NUP98: variants seen among roughly 807,000 people sequenced by gnomAD.
The protein encoded by NUP98 is nucleoporin 98 and 96 precursor, also known as nuclear pore complex protein Nup98-Nup96.
In NUP98, 26 loss-of-function variants were observed where a neutral mutation model predicts 191.9. The observed-to-expected ratio is 0.14, with a 90% CI of 0.10 to 0.19. NUP98 has a LOEUF of 0.19. Among genes scored for constraint, NUP98 ranks in the 10% least tolerant of loss-of-function variants. The pLI is 1.00. For synonymous variants in NUP98, 808 were observed against 778.4 expected (o/e 1.04, Z -0.63); for missense variants, 1,941 against 2,178.8 (o/e 0.89, Z 2.17).
chr11:3,770,820 T>C (rs2081507384), intron 7 of NUP98, among the ~76,000 whole-genome samples: 1 of 152,192 alleles, frequency 6.6e-6, no homozygotes, highest in African/African-American at 2.4e-5. Context: ...GCAAATTCCA[T>C]CAGTTCTATA....
chr11:3,770,097 C>T (rs181031829), intron 7 of NUP98, among the ~76,000 whole-genome samples: 4 of 150,698 alleles, frequency 2.7e-5, no homozygotes, highest in Admixed American at 1.3e-4. Context: ...ATAATCCCAG[C>T]GCTTTGGGAG....
intron 7 of NUP98, among the ~76,000 whole-genome samples, chr11:3,769,341 G>C (rs1168671879): frequency 6.6e-6 from 1 of 152,052 alleles, no homozygotes; most frequent in Non-Finnish European, 1.5e-5. Flanking sequence ...TGGGTATATG[G>C]CTTGAGCCTG....
chr11:3,786,108 T>C (rs2082131903), intron 1 of NUP98, among the ~76,000 whole-genome samples: 1 of 152,218 alleles, frequency 6.6e-6, no homozygotes, highest in East Asian at 1.9e-4. Context: ...AGGAAGAAAT[T>C]AAGGCACAAG....
intron 24 of NUP98, among the ~76,000 whole-genome samples, chr11:3,700,066 C>T (rs901902212): frequency 2.0e-5 from 3 of 152,034 alleles, no homozygotes; most frequent in African/African-American, 7.2e-5. Context: ...TTTAGAAAAG[C>T]AAGAAGGGGC....
At chr11:3,694,451 C>T (rs2078433882) in intron 26 of NUP98, among the ~76,000 whole-genome samples, 1 of 149,456 alleles carries the variant, frequency 6.7e-6, no homozygotes, top group East Asian at 2.0e-4. Context: ...AAAAAAAAAG[C>T]TGCAGGGGGC....
chr11:3,746,210 G>C (rs1448534452), intron 11 of NUP98, among the ~76,000 whole-genome samples: 1 of 139,862 alleles, frequency 7.1e-6, no homozygotes, highest in East Asian at 2.1e-4. Context: ...TGGAGGTTGC[G>C]GTGAGCCAAG....
At chr11:3,690,400 C>T (rs1239367877) in intron 28 of NUP98, among the ~76,000 whole-genome samples, 5 of 152,068 alleles carry the variant, frequency 3.3e-5, no homozygotes, top group African/African-American at 7.2e-5. Context: ...GCTGGGACTA[C>T]GGGCGCCCGC....
At chr11:3,694,928 C>A (rs1465957713) in intron 26 of NUP98, among the ~76,000 whole-genome samples, 2 of 152,006 alleles carry the variant, frequency 1.3e-5, no homozygotes, top group African/African-American at 4.8e-5. Flanking sequence ...TAAAAAAAAT[C>A]ACAGAACTCC....
chr11:3,792,178 C>CAAAAAAAAAAAAA (rs61471948), intron 1 of NUP98, among the ~76,000 whole-genome samples: 2 of 58,854 alleles, frequency 3.4e-5, no homozygotes, highest in Admixed American at 2.9e-4. Context: ...AACTCCATCT[C>CAAAAAAAAAAAAA]AAAAAAAAAA....
At chr11:3,744,705 CCAGAGGTCAGTTA>C in intron 11 of NUP98, 56 bp from the exon 12 acceptor site, 1 of 1,548,688 alleles carries the variant, frequency 6.5e-7, no homozygotes, top group African/African-American at 1.4e-5. Context: ...CAATGTTGTG[CCAGAGGTCAGTTA>C]CTTAAAAATA....
rs1452615567 is a variant in NUP98, at chr11:3,731,383, A to C, written c.1730+8T>G. On this transcript the variant is annotated splice_region_variant and intron_variant, in intron 14 of 32. Transcript: ENST00000324932. The stretch of plus-strand genomic sequence containing the variant: ...ACACTTAATTTCTGTTAACAAAAAT[A>C]AACTCACTTGGGCATGAATGCTCCA... 1.2e-5 allele frequency: 18 copies of C among 1,509,180 alleles called. No homozygotes were observed. Among genetic ancestry groups the C allele is most frequent in the Non-Finnish European group, 1.5e-5 (17 of 1,125,446 alleles). The allele number at this position is 1,509,180 out of a possible 1,614,324, so 93.5% of individuals were successfully genotyped here.
intron 18 of NUP98, 52 bp from the exon 19 acceptor site, chr11:3,714,047 T>C (rs775530203): frequency 5.2e-5 from 81 of 1,556,202 alleles, no homozygotes; most frequent in Non-Finnish European, 7.0e-5. Flanking sequence ...GCGCTTCATA[T>C]ATAAGACCAG....
chr11:3,790,965 G>A (rs185854588), intron 1 of NUP98, among the ~76,000 whole-genome samples: 3 of 149,678 alleles, frequency 2.0e-5, no homozygotes, highest in South Asian at 2.1e-4. Context: ...ACGCAATCTC[G>A]GCTGACTGCA....
intron 30 of NUP98, 141 bp from the exon 31 acceptor site, chr11:3,679,849 C>CAA: frequency 1.4e-6 from 1 of 715,280 alleles, no homozygotes; most frequent in South Asian, 2.0e-5. Context: ...AGGCATACCT[C>CAA]AAAGATACTG....
At chr11:3,786,789 G>A (rs1325940693) in intron 1 of NUP98, among the ~76,000 whole-genome samples, 5 of 152,208 alleles carry the variant, frequency 3.3e-5, no homozygotes, top group Non-Finnish European at 7.3e-5. Context: ...ATCCTGAAAT[G>A]TGGTCAAAAC....
At chr11:3,748,414 A>G (rs543415852) in intron 11 of NUP98, among the ~76,000 whole-genome samples, 1 of 152,264 alleles carries the variant, frequency 6.6e-6, no homozygotes, top group Non-Finnish European at 1.5e-5. Context: ...AAATACAAAA[A>G]TTAGGTTGAG....
chr11:3,693,226 A>G lies in NUP98; in HGVS notation c.4311+6T>C. ...ATTTTTGCTTGGCTCTATTGGCCAC[A>G]TATACCTGAAATGCTTCTTCATACA... is the stretch of plus-strand genomic sequence containing the variant. On this transcript the variant is annotated splice_donor_region_variant and intron_variant, in intron 27 of 32. Coordinates refer to ENST00000324932, the MANE Select transcript of NUP98 (RefSeq NM_016320.5). The G allele has an allele frequency of 6.2e-7, 1 of 1,613,998 alleles. No individual in the cohort carries two copies. Among genetic ancestry groups the G allele is most frequent in the Non-Finnish European group, 8.5e-7 (1 of 1,179,874 alleles).
At chr11:3,714,099 C>G (rs1256695172) in intron 18 of NUP98, 104 bp from the exon 19 acceptor site, 1 of 1,153,054 alleles carries the variant, frequency 8.7e-7, no homozygotes, top group Non-Finnish European at 1.3e-6. Context: ...GGTAACTATG[C>G]TGCCTTGGAA....
chr11:3,731,728 T>C, intron 13 of NUP98, 150 bp from the exon 14 acceptor site: 1 of 482,720 alleles, frequency 2.1e-6, no homozygotes. Flanking sequence ...AACAAGGATG[T>C]TAACACCCAA....
Sources: gnomAD v4.1 joint callset for allele counts (sites outside exome capture counted in the v4.1 genomes callset) on GRCh38, gnomAD v4.1.1 for gene constraint, MANE v1.5 for transcripts, NCBI Gene and HGNC (gene_info 2026-07-23, HGNC 2026-07-21) for gene names.